SPIRE1: variants seen among roughly 807,000 people sequenced by gnomAD.
SPIRE1 encodes the protein protein spire homolog 1.
Under a neutral mutation model 94.1 loss-of-function variants are expected in SPIRE1, and 40 were observed. That is an observed-to-expected ratio of 0.43 (90% confidence interval 0.33 to 0.55). The LOEUF (loss-of-function observed/expected upper bound fraction) is 0.55. Ranked by LOEUF, SPIRE1 falls within the 20% of genes least tolerant of loss-of-function variation. SPIRE1 has a pLI of 0.06. For missense variants in SPIRE1, 838 were observed against 975.2 expected, an observed-to-expected ratio of 0.86 and a Z score of 1.87; for synonymous variants, 376 against 371.7, an observed-to-expected ratio of 1.01 and a Z score of -0.13.
Position 12,447,654 on chromosome 18 carries a change from T to C in SPIRE1, c.*1984A>G, listed in dbSNP as rs571445011. On this transcript the variant is annotated 3_prime_UTR_variant, in exon 17 of 17. Coordinates refer to ENST00000409402, the MANE Select transcript of SPIRE1 (RefSeq NM_001128626.2). ...GTGCTGTGGTAAGAGGTGATCGTAA[T>C]GCCCAAATCATCCAATACACTATCA... 1.3e-5 allele frequency: 2 copies of C among 152,304 alleles called. No homozygotes were observed. The highest frequency in any genetic ancestry group is 3.9e-4 in the East Asian group (2 of 5,188). 9.4% of individuals were successfully genotyped at this position (152,304 alleles called of 1,614,324 possible).
chr18:12,653,985 T>C (rs890651892), intron 1 of SPIRE1, among the ~76,000 whole-genome samples: 6 of 149,824 alleles, frequency 4.0e-5, no homozygotes, highest in Non-Finnish European at 4.4e-5. Flanking sequence ...AATCAATGGA[T>C]GTGAAAACAT....
intron 2 of SPIRE1, among the ~76,000 whole-genome samples, chr18:12,615,228 T>TGAGGCAGGAGAATTGCTTG (rs2037251646): frequency 6.8e-6 from 1 of 147,828 alleles, no homozygotes; most frequent in Non-Finnish European, 1.5e-5. Context: ...CTCAGGAGGC[T>TGAGGCAGGAGAATTGCTTG]GAGGCAGGAG....
chr18:12,493,310 C>T (rs1277086888), intron 7 of SPIRE1, 109 bp from the exon 8 acceptor site: 5 of 1,007,160 alleles, frequency 5.0e-6, no homozygotes, highest in Non-Finnish European at 7.1e-6. Context: ...TGGAACACTG[C>T]TTGATAAAAG....
chr18:12,550,536 A>C (rs9954953), intron 2 of SPIRE1, among the ~76,000 whole-genome samples: 2 of 151,734 alleles, frequency 1.3e-5, no homozygotes, highest in African/African-American at 4.8e-5. Flanking sequence ...TAATTTTTAA[A>C]TTTTCTGCAG....
intron 2 of SPIRE1, among the ~76,000 whole-genome samples, chr18:12,576,464 C>G (rs187182657): frequency 1.3e-5 from 2 of 149,978 alleles, no homozygotes; most frequent in African/African-American, 4.9e-5. Flanking sequence ...TGCCTGTAAT[C>G]CCAGCACTTT....
chr18:12,559,459 C>T lies in SPIRE1; in HGVS notation c.373-12555G>A, dbSNP rs1045574939. ...ACCACGCGCAGCCCTGGTTGCCACCCGCGCCTCTCCCTCCACACCTCCCTG... is the reference window on the plus strand; with the variant it reads ...ACCACGCGCAGCCCTGGTTGCCACCTGCGCCTCTCCCTCCACACCTCCCTG... On this transcript the variant is annotated intron_variant, in intron 2 of 16. Transcript: ENST00000409402. The surrounding 1 kb of genome is among the most constrained non-coding windows in gnomAD (Gnocchi z 4.7). 2.2e-4 allele frequency among the ~76,000 whole-genome samples: 34 copies of T among 152,282 alleles called. No individual in the cohort carries two copies. The highest frequency in any genetic ancestry group is 4.4e-4 in the Non-Finnish European group (30 of 68,002).
chr18:12,512,357 A>G, intron 5 of SPIRE1, 97 bp downstream of exon 5: 2 of 833,698 alleles, frequency 2.4e-6, no homozygotes, highest in Non-Finnish European at 3.8e-6. Flanking sequence ...ATTGCACTGC[A>G]GCCTGAGCAA....
chr18:12,560,612 A>C (rs181332823), intron 2 of SPIRE1, among the ~76,000 whole-genome samples: 6 of 152,316 alleles, frequency 3.9e-5, no homozygotes, highest in African/African-American at 1.4e-4. Context: ...GCACTTTGGC[A>C]TGCCAAGGCG....
At chr18:12,644,118 G>C (rs1214937376) in intron 1 of SPIRE1, among the ~76,000 whole-genome samples, 1 of 144,698 alleles carries the variant, frequency 6.9e-6, no homozygotes, top group Non-Finnish European at 1.5e-5. Flanking sequence ...AGAATCGCTT[G>C]AACACAGGAG....
chr18:12,497,468 C>T (rs940170290), intron 6 of SPIRE1, among the ~76,000 whole-genome samples: 1 of 152,170 alleles, frequency 6.6e-6, no homozygotes, highest in African/African-American at 2.4e-5. Flanking sequence ...CCTGTCCCTT[C>T]CCCAGACGTG....
At chr18:12,504,818 G>A (rs1281647447) in intron 6 of SPIRE1, among the ~76,000 whole-genome samples, 1 of 152,174 alleles carries the variant, frequency 6.6e-6, no homozygotes, top group Non-Finnish European at 1.5e-5. Context: ...GGGAAAACTT[G>A]AGCACAGGCC....
At chr18:12,595,849 A>G (rs1186454207) in intron 2 of SPIRE1, among the ~76,000 whole-genome samples, 1 of 152,254 alleles carries the variant, frequency 6.6e-6, no homozygotes, top group Non-Finnish European at 1.5e-5. Context: ...AGAAGCTGCT[A>G]TTTAATACAC....
At chr18:12,501,097 A>G (rs2033649235) in intron 6 of SPIRE1, among the ~76,000 whole-genome samples, 6 of 138,466 alleles carry the variant, frequency 4.3e-5, no homozygotes, top group East Asian at 2.1e-4. Context: ...AAAAAAAAAG[A>G]AAAAAAAAAA....
chr18:12,614,572 T>A (rs1256559328), intron 2 of SPIRE1, among the ~76,000 whole-genome samples: 2 of 152,154 alleles, frequency 1.3e-5, no homozygotes, highest in Non-Finnish European at 2.9e-5. Flanking sequence ...TCCCAGCACT[T>A]TGGGAGGCCA....
At chr18:12,532,886 A>T (rs746510427) in intron 4 of SPIRE1, among the ~76,000 whole-genome samples, 2 of 152,176 alleles carry the variant, frequency 1.3e-5, no homozygotes, top group African/African-American at 2.4e-5. Flanking sequence ...TCAAAGGAAG[A>T]AGGGTGTTTC....
chr18:12,548,532 T>C (rs1317284567), intron 2 of SPIRE1, among the ~76,000 whole-genome samples: 9 of 152,170 alleles, frequency 5.9e-5, no homozygotes, highest in African/African-American at 2.2e-4. Context: ...TTTAAAATAT[T>C]TTTTACTGAA....
chr18:12,614,461 G>T (rs1265725114), intron 2 of SPIRE1, among the ~76,000 whole-genome samples: 1 of 152,142 alleles, frequency 6.6e-6, no homozygotes, highest in Non-Finnish European at 1.5e-5. Flanking sequence ...TCTTTCCCTG[G>T]TTTTTATTTT....
At chr18:12,473,379 T>C (rs1210831562) in intron 10 of SPIRE1, among the ~76,000 whole-genome samples, 3 of 151,912 alleles carry the variant, frequency 2.0e-5, no homozygotes, top group Admixed American at 1.3e-4. Flanking sequence ...CTCTTAATAA[T>C]GGTAGAAAAC....
At chr18:12,605,851 C>T (rs2036959888) in intron 2 of SPIRE1, among the ~76,000 whole-genome samples, 1 of 151,624 alleles carries the variant, frequency 6.6e-6, no homozygotes, top group African/African-American at 2.4e-5. Flanking sequence ...GCTTACTGTA[C>T]CCAATGGGGC....
Sources: allele counts gnomAD v4.1 joint callset (sites outside exome capture counted in the v4.1 genomes callset), GRCh38; gene constraint gnomAD v4.1.1; non-coding constraint Gnocchi (gnomAD v3.1); transcripts MANE v1.5; gene names NCBI Gene and HGNC (gene_info 2026-07-23, HGNC 2026-07-21).